PON1: variants seen among roughly 807,000 people sequenced by gnomAD.
The protein encoded by PON1 is paraoxonase 1, also known as serum paraoxonase/arylesterase 1.
A neutral mutation model predicts 39.2 loss-of-function variants in PON1; 37 were observed. The observed-to-expected ratio is 0.94, with a 90% CI of 0.73 to 1.24. The LOEUF is 1.24. Among genes scored for constraint, PON1 ranks in the 50% most tolerant of loss-of-function variants. PON1 has a pLI of 0.00. For missense variants in PON1, 397 were observed against 413.5 expected, an observed-to-expected ratio of 0.96 and a Z score of 0.35; for synonymous variants, 148 against 152.2, an observed-to-expected ratio of 0.97 and a Z score of 0.21.
chr7:95,316,294 G>T (rs1807767874), intron 3 of PON1, among the ~76,000 whole-genome samples: 1 of 151,908 alleles, frequency 6.6e-6, no homozygotes, highest in Non-Finnish European at 1.5e-5. Context: ...TTGGGAATTG[G>T]GACCTATCAA....
intron 2 of PON1, among the ~76,000 whole-genome samples, chr7:95,317,964 T>G (rs1467598788): frequency 6.6e-6 from 1 of 152,086 alleles, no homozygotes; most frequent in Non-Finnish European, 1.5e-5. Context: ...TCAGAGCCTT[T>G]CTAAAAAAAA....
chr7:95,321,821 A>T (rs939951402), intron 1 of PON1, among the ~76,000 whole-genome samples: 5 of 152,182 alleles, frequency 3.3e-5, no homozygotes, highest in Non-Finnish European at 4.4e-5. Context: ...AGTCTTCTGC[A>T]TTGGGATTAA....
intron 5 of PON1, among the ~76,000 whole-genome samples, chr7:95,308,890 G>T (rs1255104344): frequency 6.6e-6 from 1 of 151,714 alleles, no homozygotes; most frequent in East Asian, 1.9e-4. Context: ...TTCTGATTAG[G>T]ATTCTCTGTT....
Position 95,324,483 on chromosome 7 carries a change from G to C in PON1, c.-8C>G. 6.2e-7 allele frequency: 1 copy of C among 1,613,858 alleles called. No homozygotes were observed. The highest frequency in any genetic ancestry group is 2.2e-5 in the East Asian group (1 of 44,854). ...CGCAATCAGCTTCGCCATGGTCGGG[G>C]ATAGACAAAGGGATCGATGGGCGCA... On this transcript the variant is annotated 5_prime_UTR_variant, in exon 1 of 9. In the 5' UTR this introduces an upstream ATG that the reference lacks. Coordinates refer to ENST00000222381, the MANE Select transcript of PON1 (RefSeq NM_000446.7).
chr7:95,316,872 A>G, intron 2 of PON1, 83 bp from the exon 3 acceptor site: 1 of 996,888 alleles, frequency 1.0e-6, no homozygotes, highest in South Asian at 1.3e-5. Context: ...ACCTCACTTG[A>G]AACTGGGGCT....
At chr7:95,299,249 C>A in intron 8 of PON1, 147 bp from the exon 9 acceptor site, 1 of 853,952 alleles carries the variant, frequency 1.2e-6, no homozygotes, top group Non-Finnish European at 1.9e-6. Flanking sequence ...CTTAACACAC[C>A]TGTTTCTTCA....
intron 7 of PON1, chr7:95,302,553 A>G (rs1807459586): frequency 5.5e-6 from 3 of 545,796 alleles, no homozygotes; most frequent in Non-Finnish European, 6.5e-6. Context: ...GGGTAGGGTG[A>G]AGATACAGAA....
Position 95,302,333 on chromosome 7 carries a change from A to C in PON1, c.781T>G (p.Ser261Ala). The change falls in exon 8 of 9, where the codon TCC becomes GCC. Residue 261 changes from serine to alanine, a missense_variant and splice_region_variant. By Grantham distance (99) the Ser-to-Ala change is moderately conservative. Coordinates refer to ENST00000222381, the MANE Select transcript of PON1 (RefSeq NM_000446.7). The stretch of plus-strand genomic sequence containing the variant: ...TCCACGAGGGTATTAAAGTCAAGGG[A>C]CTTAAAAGATTAAAAACAAGAAAAG... ...HANWTLTPLK[S>A]LDFNTLVDNI... The C allele has an allele frequency of 6.2e-7, 1 of 1,605,894 alleles. No homozygotes were observed.
intron 7 of PON1, among the ~76,000 whole-genome samples, chr7:95,304,327 CTTTTTTTTTTTTT>C (rs34709624): frequency 9.1e-6 from 1 of 109,512 alleles, no homozygotes; most frequent in African/African-American, 4.0e-5. Context: ...AACTTCATTC[CTTTTTTTTTTTTT>C]TTTTTTTTTT....
intron 7 of PON1, among the ~76,000 whole-genome samples, chr7:95,303,276 GGCAGAGCCTCAGTCTCGCCACCAT>G (rs1439154937): frequency 1.3e-5 from 2 of 152,136 alleles, no homozygotes; most frequent in Non-Finnish European, 2.9e-5. Context: ...CAAGCATCAT[GGCAGAGCCTCAGTCTCGCCACCAT>G]GCAGAGCCAT....
intron 4 of PON1, 144 bp downstream of exon 4, chr7:95,315,178 G>C (rs1807736958): frequency 8.3e-6 from 6 of 724,124 alleles, no homozygotes; most frequent in Middle Eastern, 3.9e-4. Context: ...AATTAACATA[G>C]AGGGTAAGTT....
rs577162099 is a variant in PON1, at chr7:95,299,804, C to A, written c.910-702G>T. Reference sequence around the variant, plus strand: ...CAGGTAAGTTAATACTTAATAAACCCCCTTTACATATATATATATCCTATT... The same window carrying A: ...CAGGTAAGTTAATACTTAATAAACCACCTTTACATATATATATATCCTATT... On this transcript the variant is annotated intron_variant, in intron 8 of 8. Coordinates refer to ENST00000222381, the MANE Select transcript of PON1 (RefSeq NM_000446.7). 2.0e-5 allele frequency among the ~76,000 whole-genome samples: 3 copies of A among 152,156 alleles called. No homozygotes were observed. In the South Asian group the frequency reaches 6.2e-4, roughly 32 times the overall value.
In PON1 at chr7:95,322,053, G is replaced by A. The variant is rs528702075; in HGVS notation, c.74+2349C>T. On this transcript the variant is annotated intron_variant, in intron 1 of 8. Transcript: ENST00000222381. ...GTACTCTGCAGATGTCCACTGAAGTGTTTTGTGGAGATACTAGGCAAGTAC... is the reference window on the plus strand; with the variant it reads ...GTACTCTGCAGATGTCCACTGAAGTATTTTGTGGAGATACTAGGCAAGTAC... Among the ~76,000 whole-genome samples, 146 of 152,220 alleles carry A rather than the reference G, an allele frequency of 9.6e-4. 1 individual carries two copies. Among genetic ancestry groups the A allele is most frequent in the Admixed American group, 2.9e-3 (44 of 15,292 alleles).
intron 6 of PON1, among the ~76,000 whole-genome samples, chr7:95,306,950 A>G (rs1335149452): frequency 6.6e-6 from 1 of 152,078 alleles, no homozygotes; most frequent in African/African-American, 2.4e-5. Flanking sequence ...CTGCTCAATT[A>G]TCTTCTATTT....
chr7:95,307,059 C>CTT (rs546150639), intron 6 of PON1, among the ~76,000 whole-genome samples: 5 of 125,140 alleles, frequency 4.0e-5, no homozygotes, highest in Non-Finnish European at 4.8e-5. Context: ...TTCTTTCTTT[C>CTT]TTTTTTTTTT....
chr7:95,324,280 T>C (rs960780385), intron 1 of PON1, 122 bp downstream of exon 1: 39 of 854,412 alleles, frequency 4.6e-5, no homozygotes, highest in Non-Finnish European at 7.3e-5. Flanking sequence ...CCGCAGAGTG[T>C]GCATCTAGCA....
chr7:95,314,092 C>T (rs941415760), intron 4 of PON1, among the ~76,000 whole-genome samples: 1 of 152,104 alleles, frequency 6.6e-6, no homozygotes, highest in Non-Finnish European at 1.5e-5. Context: ...GGCGCGGTGG[C>T]TCACAACTGT....
At chr7:95,299,854 G>T (rs1026836302) in intron 8 of PON1, among the ~76,000 whole-genome samples, 1 of 152,040 alleles carries the variant, frequency 6.6e-6, no homozygotes, top group Non-Finnish European at 1.5e-5. Flanking sequence ...AGGGAACCTT[G>T]ACTAATACAC....
intron 1 of PON1, among the ~76,000 whole-genome samples, chr7:95,320,423 T>C (rs887984327): frequency 3.3e-5 from 5 of 152,192 alleles, no homozygotes; most frequent in African/African-American, 1.2e-4. Context: ...TGATTTGGGT[T>C]CCAATTTGTG....
Sources: allele counts gnomAD v4.1 joint callset (sites outside exome capture counted in the v4.1 genomes callset), GRCh38; gene constraint gnomAD v4.1.1; transcripts MANE v1.5; gene names NCBI Gene and HGNC (gene_info 2026-07-23, HGNC 2026-07-21).